SPHKAP: variants seen among roughly 807,000 people sequenced by gnomAD.
The protein encoded by SPHKAP is SPHK1 interactor, AKAP domain containing, also known as A-kinase anchor protein SPHKAP.
Under a neutral mutation model 137.5 loss-of-function variants are expected in SPHKAP, and 67 were observed. That is an observed-to-expected ratio of 0.49 (90% CI 0.40 to 0.60). The LOEUF is 0.60. Ranked by LOEUF, SPHKAP falls within the 20% of genes least tolerant of loss-of-function variation. SPHKAP has a pLI of 0.00. For synonymous variants in SPHKAP, 813 were observed against 785.3 expected (o/e 1.04, Z -0.59); for missense variants, 2,097 against 2,069.3 (o/e 1.01, Z -0.26).
intron 1 of SPHKAP, among the ~76,000 whole-genome samples, chr2:228,140,719 A>G (rs2106386266): frequency 6.6e-6 from 1 of 152,174 alleles, no homozygotes; most frequent in South Asian, 2.1e-4. Context: ...TTTCTCATGA[A>G]TGGCTTAGCA....
chr2:228,179,601 A>T (rs932485478), intron 1 of SPHKAP, among the ~76,000 whole-genome samples: 2 of 152,178 alleles, frequency 1.3e-5, no homozygotes, highest in Non-Finnish European at 2.9e-5. Flanking sequence ...AAATACCGGA[A>T]ATTACTACAC....
At position 228,063,919 on chromosome 2, in the gene SPHKAP, C is replaced by T. The variant is rs541036368; in HGVS notation, c.247-36376G>A. Reference sequence around the variant, plus strand: ...ACATAAATTGGTCAATCTTTAAGTGCTAATATTAGTTACCCAAATGAAACT... The same window carrying T: ...ACATAAATTGGTCAATCTTTAAGTGTTAATATTAGTTACCCAAATGAAACT... On this transcript the variant is annotated intron_variant, in intron 3 of 11. Transcript: ENST00000392056. Among the ~76,000 whole-genome samples the T allele has an allele frequency of 1.1e-4, 16 of 152,220 alleles. No individual in the cohort carries two copies. In the South Asian group the frequency reaches 1.2e-3, roughly 12 times the overall value.
intron 7 of SPHKAP, among the ~76,000 whole-genome samples, chr2:228,002,091 G>A (rs1172763822): frequency 1.3e-5 from 2 of 152,096 alleles, no homozygotes; most frequent in African/African-American, 4.8e-5. Flanking sequence ...ACCCAGTAAT[G>A]GGATGGCTGG....
intron 1 of SPHKAP, among the ~76,000 whole-genome samples, chr2:228,141,591 GCTGA>G (rs1353801216): frequency 6.6e-6 from 1 of 152,118 alleles, no homozygotes; most frequent in Non-Finnish European, 1.5e-5. Flanking sequence ...CTATTCTTCT[GCTGA>G]CTATTAACTA....
At chr2:228,167,749 C>T (rs1700461453) in intron 1 of SPHKAP, among the ~76,000 whole-genome samples, 1 of 152,024 alleles carries the variant, frequency 6.6e-6, no homozygotes, top group Admixed American at 6.6e-5. Context: ...AAATTATAGG[C>T]TTGTAGGACA....
chr2:228,071,967 T>C (rs1053915404), intron 3 of SPHKAP, among the ~76,000 whole-genome samples: 2 of 152,140 alleles, frequency 1.3e-5, no homozygotes, highest in African/African-American at 2.4e-5. Flanking sequence ...TGTCTGTGAG[T>C]ATTTCTGGAA....
intron 1 of SPHKAP, among the ~76,000 whole-genome samples, chr2:228,156,946 G>T (rs1267891218): frequency 6.6e-6 from 1 of 152,050 alleles, no homozygotes; most frequent in African/African-American, 2.4e-5. Context: ...CCAGTCTTAG[G>T]TATGTCTTTA....
intron 7 of SPHKAP, among the ~76,000 whole-genome samples, chr2:228,015,508 T>C (rs1254983830): frequency 6.6e-6 from 1 of 152,182 alleles, no homozygotes; most frequent in East Asian, 1.9e-4. Context: ...AAACCAAAGC[T>C]AAAGAAATGA....
chr2:228,103,840 G>A (rs1698249289), intron 3 of SPHKAP, among the ~76,000 whole-genome samples: 1 of 152,024 alleles, frequency 6.6e-6, no homozygotes, highest in Non-Finnish European at 1.5e-5. Context: ...TGCAGGTCTG[G>A]GTTCAATCCT....
At chr2:228,061,720 C>T (rs937198893) in intron 3 of SPHKAP, among the ~76,000 whole-genome samples, 7 of 150,430 alleles carry the variant, frequency 4.7e-5, no homozygotes, top group African/African-American at 1.7e-4. Context: ...CTCTGAATAT[C>T]CAGGAAATAT....
At position 228,132,060 on chromosome 2, in the gene SPHKAP, C is replaced by T. The variant is rs1298309448; in HGVS notation, c.58G>A (p.Asp20Asn). Residue 20 changes from aspartate (D) to asparagine (N), a missense_variant, in exon 2 of 12, where the codon GAC (aspartate) becomes AAC (asparagine). Asp to Asn is a conservative substitution (Grantham distance 23). Transcript: ENST00000392056. ...PSNLESSRMY[D>N]VLEPQQGRGC... ...CTGCCCTGCTGCGGTTCCAAAACGT[C>T]ATACATCCGTGATGACTCCAAGTTG... is the stretch of plus-strand genomic sequence containing the variant. 3 of 1,614,002 alleles carry T rather than the reference C, an allele frequency of 1.9e-6. No homozygotes were observed. Among genetic ancestry groups the T allele is most frequent in the Non-Finnish European group, 2.5e-6 (3 of 1,179,982 alleles).
At chr2:228,174,713 A>G (rs1179050712) in intron 1 of SPHKAP, among the ~76,000 whole-genome samples, 1 of 152,192 alleles carries the variant, frequency 6.6e-6, no homozygotes, top group Non-Finnish European at 1.5e-5. Flanking sequence ...GGATGAAGCA[A>G]CCAACAGAAC....
intron 2 of SPHKAP, among the ~76,000 whole-genome samples, chr2:228,111,240 C>T (rs1228299028): frequency 1.3e-5 from 2 of 152,162 alleles, no homozygotes; most frequent in African/African-American, 4.8e-5. Context: ...GAAATCCTAA[C>T]TTGGTCATTA....
chr2:228,009,990 A>C (rs1256052250), intron 7 of SPHKAP, among the ~76,000 whole-genome samples: 1 of 152,114 alleles, frequency 6.6e-6, no homozygotes, highest in Non-Finnish European at 1.5e-5. Flanking sequence ...ACAGGTCAAG[A>C]GGCTTCCTGT....
intron 1 of SPHKAP, among the ~76,000 whole-genome samples, chr2:228,137,182 C>T (rs1699460112): frequency 6.6e-6 from 1 of 152,038 alleles, no homozygotes; most frequent in Non-Finnish European, 1.5e-5. Context: ...AAAAGGCATA[C>T]AATTTTGTAA....
At chr2:228,140,120 T>C (rs1381779685) in intron 1 of SPHKAP, among the ~76,000 whole-genome samples, 2 of 151,732 alleles carry the variant, frequency 1.3e-5, no homozygotes, top group African/African-American at 2.4e-5. Flanking sequence ...AATTTTTGTA[T>C]TCTGTATTGA....
intron 3 of SPHKAP, among the ~76,000 whole-genome samples, chr2:228,032,843 C>A (rs960710858): frequency 6.6e-6 from 1 of 152,028 alleles, no homozygotes; most frequent in African/African-American, 2.4e-5. Context: ...ATTTTGTCAC[C>A]ACCAGGCCTG....
chr2:228,104,270 A>C (rs1199291515), intron 3 of SPHKAP, among the ~76,000 whole-genome samples: 1 of 131,356 alleles, frequency 7.6e-6, no homozygotes, highest in African/African-American at 2.8e-5. Context: ...TCATTATATT[A>C]TATATTATAT....
chr2:228,052,812 T>C (rs1395205522), intron 3 of SPHKAP, among the ~76,000 whole-genome samples: 1 of 152,172 alleles, frequency 6.6e-6, no homozygotes, highest in African/African-American at 2.4e-5. Context: ...AACTCTGTCC[T>C]TTGTTATACA....
Sources: gnomAD v4.1 joint callset for allele counts (sites outside exome capture counted in the v4.1 genomes callset) on GRCh38, gnomAD v4.1.1 for gene constraint, MANE v1.5 for transcripts, NCBI Gene and HGNC (gene_info 2026-07-23, HGNC 2026-07-21) for gene names.